CNTN6: variants seen among roughly 807,000 people sequenced by gnomAD.
CNTN6 encodes the protein contactin-6.
Under a neutral mutation model 122.8 loss-of-function variants are expected in CNTN6, and 137 were observed. The ratio of observed to expected loss-of-function variants is 1.12; its 90% CI spans 0.97 to 1.29. The LOEUF (loss-of-function observed/expected upper bound fraction) is 1.29. Ranked by LOEUF, CNTN6 falls within the 50% of genes most tolerant of loss-of-function variation. The pLI is 0.00. For missense variants in CNTN6, 1,634 were observed against 1,223.4 expected, an observed-to-expected ratio of 1.34 and a Z score of -5.01; for synonymous variants, 570 against 426.0, an observed-to-expected ratio of 1.34 and a Z score of -4.16.
At chr3:1,217,918 G>C (rs759886933) in intron 2 of CNTN6, among the ~76,000 whole-genome samples, 1 of 152,146 alleles carries the variant, frequency 6.6e-6, no homozygotes, top group African/African-American at 2.4e-5. Context: ...AAAAACCACA[G>C]AATTTCACCT....
In CNTN6 at chr3:1,107,051, C is replaced by T. The variant is rs868575012; in HGVS notation, c.-83+13931C>T. Among the ~76,000 whole-genome samples, 50 of 152,020 alleles carry T rather than the reference C, an allele frequency of 3.3e-4. 1 individual carries two copies. The highest frequency in any genetic ancestry group is 1.1e-3 in the African/African-American group (47 of 41,414). ...AAGGGTCTCAATGGATTACATGATACCTACATTGGAAATGGTAATCTACTT... is the reference window on the plus strand; with the variant it reads ...AAGGGTCTCAATGGATTACATGATATCTACATTGGAAATGGTAATCTACTT... On this transcript the variant is annotated intron_variant, in intron 1 of 22. Coordinates refer to ENST00000446702, the MANE Select transcript of CNTN6 (RefSeq NM_001289080.2).
chr3:1,304,112 C>T (rs1243666123), intron 7 of CNTN6, among the ~76,000 whole-genome samples: 1 of 152,176 alleles, frequency 6.6e-6, no homozygotes, highest in Non-Finnish European at 1.5e-5. Flanking sequence ...TCTTTGTCTT[C>T]TCAGCTTAGT....
At chr3:1,393,869 T>A (rs902860448) in intron 20 of CNTN6, among the ~76,000 whole-genome samples, 2 of 152,176 alleles carry the variant, frequency 1.3e-5, no homozygotes, top group Non-Finnish European at 2.9e-5. Context: ...TATTGAGATT[T>A]TCTGTATGAT....
chr3:1,256,198 T>G (rs1181618528), intron 4 of CNTN6, among the ~76,000 whole-genome samples: 1 of 152,150 alleles, frequency 6.6e-6, no homozygotes, highest in African/African-American at 2.4e-5. Flanking sequence ...TTAAAGTTAT[T>G]TGCTTTATCT....
intron 4 of CNTN6, among the ~76,000 whole-genome samples, chr3:1,250,768 C>A (rs1351675229): frequency 2.0e-5 from 3 of 152,124 alleles, no homozygotes; most frequent in African/African-American, 4.8e-5. Context: ...CCCTGAAAGT[C>A]CCCCTGACTG....
chr3:1,309,974 A>G (rs1197372358), intron 7 of CNTN6, among the ~76,000 whole-genome samples: 1 of 152,208 alleles, frequency 6.6e-6, no homozygotes, highest in Non-Finnish European at 1.5e-5. Context: ...ACTTTGATAT[A>G]TTAACATTGT....
At chr3:1,203,733 G>A (rs1165680534) in intron 2 of CNTN6, among the ~76,000 whole-genome samples, 1 of 151,902 alleles carries the variant, frequency 6.6e-6, no homozygotes, top group Admixed American at 6.6e-5. Context: ...GGGTGCGTAT[G>A]TATGTTTGCC....
chr3:1,383,240 A>G, intron 18 of CNTN6, 53 bp from the exon 19 acceptor site: 1 of 1,596,486 alleles, frequency 6.3e-7, no homozygotes, highest in South Asian at 1.1e-5. Context: ...CCCTTGTTCC[A>G]TTTTCAATGA....
intron 4 of CNTN6, among the ~76,000 whole-genome samples, chr3:1,244,283 A>G (rs1326571583): frequency 2.0e-5 from 3 of 152,152 alleles, no homozygotes; most frequent in Non-Finnish European, 2.9e-5. Context: ...CAGAGAAAAG[A>G]GAGCGTAGAG....
chr3:1,290,582 T>A (rs1695162504), intron 5 of CNTN6, among the ~76,000 whole-genome samples: 1 of 152,188 alleles, frequency 6.6e-6, no homozygotes, highest in Non-Finnish European at 1.5e-5. Context: ...AAGAAAGAAT[T>A]CAGGGCGTGC....
At chr3:1,306,462 A>G (rs1698371285) in intron 7 of CNTN6, among the ~76,000 whole-genome samples, 1 of 152,190 alleles carries the variant, frequency 6.6e-6, no homozygotes, top group Non-Finnish European at 1.5e-5. Context: ...TCTCACATAA[A>G]CAAGCGCTCA....
At chr3:1,138,170 A>C (rs2092526833) in intron 1 of CNTN6, among the ~76,000 whole-genome samples, 1 of 152,210 alleles carries the variant, frequency 6.6e-6, no homozygotes, top group Non-Finnish European at 1.5e-5. Flanking sequence ...CTCGGAAGAG[A>C]ACACAATCCC....
chr3:1,337,583 C>G (rs934088668), intron 11 of CNTN6, among the ~76,000 whole-genome samples: 1 of 152,100 alleles, frequency 6.6e-6, no homozygotes, highest in Admixed American at 6.6e-5. Context: ...TATAATAGTG[C>G]TTAGTACGTC....
chr3:1,182,922 C>T (rs2093578089), intron 2 of CNTN6, among the ~76,000 whole-genome samples: 2 of 152,094 alleles, frequency 1.3e-5, no homozygotes, highest in Admixed American at 6.6e-5. Context: ...AAGACCAGCT[C>T]TATAAATGTC....
At chr3:1,341,731 T>G (rs1049398671) in intron 11 of CNTN6, among the ~76,000 whole-genome samples, 2 of 152,204 alleles carry the variant, frequency 1.3e-5, no homozygotes, top group Non-Finnish European at 2.9e-5. Context: ...TTTAGAGGTC[T>G]GAATATTTGA....
chr3:1,375,873 T>C (rs1003322697), intron 16 of CNTN6, among the ~76,000 whole-genome samples: 1 of 152,148 alleles, frequency 6.6e-6, no homozygotes, highest in Non-Finnish European at 1.5e-5. Context: ...GTCATGTTTA[T>C]AGAGCTAAAC....
intron 7 of CNTN6, among the ~76,000 whole-genome samples, chr3:1,305,477 C>A (rs567295002): frequency 7.9e-5 from 12 of 152,182 alleles, no homozygotes; most frequent in African/African-American, 2.6e-4. Context: ...ATGAAAGCTG[C>A]AAATTAATTG....
intron 1 of CNTN6, among the ~76,000 whole-genome samples, chr3:1,140,420 A>C (rs2092582924): frequency 6.6e-6 from 1 of 152,162 alleles, no homozygotes; most frequent in Non-Finnish European, 1.5e-5. Flanking sequence ...TAGGTCATGG[A>C]CTAAATTTTA....
chr3:1,144,022 A>C (rs2125152063), intron 1 of CNTN6, among the ~76,000 whole-genome samples: 1 of 152,316 alleles, frequency 6.6e-6, no homozygotes, highest in African/African-American at 2.4e-5. Context: ...CTAGATTCCC[A>C]ATGTAGCCTT....
Sources: allele counts gnomAD v4.1 joint callset (sites outside exome capture counted in the v4.1 genomes callset), GRCh38; gene constraint gnomAD v4.1.1; transcripts MANE v1.5; gene names NCBI Gene and HGNC (gene_info 2026-07-23, HGNC 2026-07-21).